FAM98B: variants seen among roughly 807,000 people sequenced by gnomAD.
The protein encoded by FAM98B is tRNA splicing ligase complex subunit 3B.
In FAM98B, 32 loss-of-function variants were observed where a neutral mutation model predicts 43.9. The observed-to-expected ratio is 0.73, with a 90% CI of 0.55 to 0.98. FAM98B has a LOEUF of 0.98. FAM98B is among the 50% of genes least tolerant of loss of function. FAM98B has a pLI of 0.00. For synonymous variants in FAM98B, 190 were observed against 174.0 expected, an observed-to-expected ratio of 1.09 and a Z score of -0.72; for missense variants, 514 against 522.9, an observed-to-expected ratio of 0.98 and a Z score of 0.17.
In FAM98B at chr15:38,475,470, G is replaced by C. The variant is rs565071768; in HGVS notation, c.729+1172G>C. ...GGTTGCATTCTTCCTGGATCCTTTA[G>C]GGGAGAATCTGTTTCCTTGCATTTC... On this transcript the variant is annotated intron_variant, in intron 6 of 7. Transcript: ENST00000397609. Among the ~76,000 whole-genome samples the C allele has an allele frequency of 3.8e-3, 581 of 152,260 alleles. 3 individuals carry two copies. Among genetic ancestry groups the C allele is most frequent in the African/African-American group, 0.014 (562 of 41,556 alleles).
At chr15:38,459,382 G>A (rs1889909921) in intron 1 of FAM98B, 14 of 407,142 alleles carry the variant, frequency 3.4e-5, no homozygotes, top group South Asian at 2.1e-4. Context: ...CTCAGTGGAA[G>A]AGCTTGACTG....
chr15:38,484,388 G>T lies in FAM98B; in HGVS notation c.1031G>T (p.Gly344Val). Residue 344 changes from glycine (G) to valine (V), a missense_variant, in exon 8 of 8, where the codon GGT becomes GTT. Around this residue, in one of 2 missense-constraint regions of FAM98B, gnomAD observed 469 missense variants for 451.8 expected, o/e 1.04. Transcript: ENST00000397609. Reference sequence around the variant, plus strand: ...GGTGGTTGGGGTGGTGGTGGTGGAGGTGGTGGTAGAGGAGGTGGTGGGGGT... The same window carrying T: ...GGTGGTTGGGGTGGTGGTGGTGGAGTTGGTGGTAGAGGAGGTGGTGGGGGT... ...GRGGWGGGGG[G>V]GGRGGGGGGG... The T allele has an allele frequency of 6.9e-7, 1 of 1,453,216 alleles. No individual in the cohort carries two copies. Among genetic ancestry groups the T allele is most frequent in the Non-Finnish European group, 9.1e-7 (1 of 1,104,930 alleles). 90.0% of individuals were successfully genotyped at this position (1,453,216 alleles called of 1,614,324 possible).
intron 6 of FAM98B, 111 bp from the exon 7 acceptor site, chr15:38,481,181 C>G: frequency 2.3e-6 from 2 of 875,744 alleles, no homozygotes; most frequent in Non-Finnish European, 3.5e-6. Context: ...TCTTTTCTAA[C>G]TCCTTGCTTA....
intron 3 of FAM98B, among the ~76,000 whole-genome samples, chr15:38,467,649 A>G (rs529808949): frequency 2.0e-5 from 3 of 152,314 alleles, no homozygotes; most frequent in Admixed American, 6.5e-5. Context: ...TTGACTTGGC[A>G]ATTGTTTGTC....
At chr15:38,470,487 A>G (rs879544198) in intron 4 of FAM98B, 82 bp downstream of exon 4, 7 of 1,255,918 alleles carry the variant, frequency 5.6e-6, no homozygotes, top group African/African-American at 3.1e-5. Context: ...ACTATTCCCT[A>G]TAATTATGAG....
intron 2 of FAM98B, among the ~76,000 whole-genome samples, chr15:38,464,535 T>C (rs1024997947): frequency 1.3e-5 from 2 of 151,786 alleles, no homozygotes; most frequent in African/African-American, 2.4e-5. Flanking sequence ...GCTTAAAATA[T>C]TATATATATA....
intron 1 of FAM98B, 123 bp from the exon 2 acceptor site, chr15:38,463,909 A>T: frequency 1.1e-6 from 1 of 901,348 alleles, no homozygotes; most frequent in Non-Finnish European, 1.6e-6. Context: ...TAATACATTT[A>T]ATGGCTGTGT....
chr15:38,454,337 T>C (rs995636288), intron 1 of FAM98B, 105 bp downstream of exon 1: 10 of 1,166,158 alleles, frequency 8.6e-6, no homozygotes, highest in Non-Finnish European at 1.2e-5. Flanking sequence ...CGGCCATGTG[T>C]AGGCCTCCTT....
intron 3 of FAM98B, among the ~76,000 whole-genome samples, chr15:38,467,401 C>G (rs960345774): frequency 6.6e-6 from 1 of 152,104 alleles, no homozygotes; most frequent in Admixed American, 6.6e-5. Context: ...GACATGAACA[C>G]GCATTCTACA....
At chr15:38,465,941 A>G (rs1427618718) in intron 3 of FAM98B, among the ~76,000 whole-genome samples, 1 of 152,148 alleles carries the variant, frequency 6.6e-6, no homozygotes, top group Non-Finnish European at 1.5e-5. Context: ...GTATTCAAAC[A>G]ATTACCATAA....
intron 1 of FAM98B, among the ~76,000 whole-genome samples, chr15:38,454,922 G>A (rs1173878704): frequency 6.6e-6 from 1 of 152,162 alleles, no homozygotes; most frequent in Non-Finnish European, 1.5e-5. Flanking sequence ...TGAGAACTCA[G>A]GGTGGAGGTG....
rs114562740 is a variant in FAM98B at position 38,459,961 on chromosome 15, G to A, written c.72-4071G>A. ...GGATGAGGGGCAAAGACAATAGGTT[G>A]GGTAAATGATGGGAAAAGAAAGGGT... On this transcript the variant is annotated intron_variant, in intron 1 of 7. Coordinates refer to ENST00000397609, the MANE Select transcript of FAM98B (RefSeq NM_173611.4). Among the ~76,000 whole-genome samples, 1,359 of 152,322 alleles carry A rather than the reference G, an allele frequency of 8.9e-3. 25 individuals are homozygous for A. The highest frequency in any genetic ancestry group is 0.031 in the African/African-American group (1,287 of 41,560).
chr15:38,456,814 C>A (rs1889855988), intron 1 of FAM98B, among the ~76,000 whole-genome samples: 1 of 152,126 alleles, frequency 6.6e-6, no homozygotes, highest in South Asian at 2.1e-4. Flanking sequence ...AAGGAGCTTG[C>A]TGTATTAGAA....
In FAM98B at chr15:38,465,310, T is replaced by C; in HGVS notation, c.259T>C (p.Phe87Leu). Residue 87 changes from phenylalanine (F) to leucine (L), a missense_variant, in exon 3 of 8, where the codon TTT becomes CTT. Physicochemically the swap from Phe to Leu is conservative, Grantham distance 22. Around this residue, in one of 2 missense-constraint regions of FAM98B, gnomAD observed 469 missense variants for 451.8 expected, o/e 1.04. Transcript: ENST00000397609. ...LESFQLEISGFLKEMACPYSV... is the reference protein window; with the variant it reads ...LESFQLEISGLLKEMACPYSV... ...GAGCTTCCAGCTTGAGATAAGTGGC[T>C]TTTTAAAAGAAATGGCATGTCCATA... 1 of 1,610,954 alleles carries C rather than the reference T, an allele frequency of 6.2e-7. No homozygotes were observed. The highest frequency in any genetic ancestry group is 8.5e-7 in the Non-Finnish European group (1 of 1,179,076).
At chr15:38,457,001 G>A (rs1381165170) in intron 1 of FAM98B, among the ~76,000 whole-genome samples, 1 of 152,172 alleles carries the variant, frequency 6.6e-6, no homozygotes, top group Admixed American at 6.5e-5. Context: ...AAATAAAAAG[G>A]GAGTGGTTAG....
intron 1 of FAM98B, among the ~76,000 whole-genome samples, chr15:38,456,047 C>T (rs751550175): frequency 2.6e-5 from 4 of 152,132 alleles, no homozygotes; most frequent in Admixed American, 1.3e-4. Context: ...AATGCATTTT[C>T]TGTTGTAAGG....
intron 6 of FAM98B, 52 bp downstream of exon 6, chr15:38,474,350 T>G: frequency 3.2e-6 from 4 of 1,256,790 alleles, no homozygotes; most frequent in Non-Finnish European, 4.6e-6. Flanking sequence ...ATAACAGCTC[T>G]TCTGGCTTGC....
intron 3 of FAM98B, among the ~76,000 whole-genome samples, chr15:38,469,982 C>A (rs1156685144): frequency 6.6e-6 from 1 of 151,920 alleles, no homozygotes; most frequent in African/African-American, 2.4e-5. Flanking sequence ...AATAGGGTGT[C>A]TATTTTATAT....
At chr15:38,468,104 C>T (rs1004363917) in intron 3 of FAM98B, among the ~76,000 whole-genome samples, 3 of 152,126 alleles carry the variant, frequency 2.0e-5, no homozygotes, top group East Asian at 1.9e-4. Flanking sequence ...GGATTAGCAT[C>T]GTAAATGCTA....
Sources: allele counts gnomAD v4.1 joint callset (sites outside exome capture counted in the v4.1 genomes callset), GRCh38; gene constraint gnomAD v4.1.1; regional missense constraint gnomAD v4.1.1; transcripts MANE v1.5; gene names NCBI Gene and HGNC (gene_info 2026-07-23, HGNC 2026-07-21).